Variants in NVL observed in about 807,000 individuals in gnomAD.
NVL encodes nuclear valosin-containing protein-like.
NVL carries 84 observed loss-of-function variants against 110.2 expected under a neutral mutation model. The observed-to-expected ratio is 0.76, with a 90% CI of 0.64 to 0.91. The LOEUF (loss-of-function observed/expected upper bound fraction) is 0.91, where lower values mean the gene tolerates loss of function less well. Ranked by LOEUF, NVL falls within the 40% of genes least tolerant of loss-of-function variation. The pLI is 0.00. For synonymous variants in NVL, 354 were observed against 361.1 expected, an observed-to-expected ratio of 0.98 and a Z score of 0.22; for missense variants, 882 against 1,035.9, an observed-to-expected ratio of 0.85 and a Z score of 2.04.
intron 4 of NVL, among the ~76,000 whole-genome samples, chr1:224,314,867 C>T (rs1017466733): frequency 5.9e-5 from 9 of 151,842 alleles, no homozygotes; most frequent in African/African-American, 2.2e-4. Flanking sequence ...AAAAATTAGC[C>T]GGGCATGGTG....
At chr1:224,321,715 C>T (rs561799762) in intron 2 of NVL, among the ~76,000 whole-genome samples, 86 of 150,520 alleles carry the variant, frequency 5.7e-4, no homozygotes, top group African/African-American at 2.0e-3. Flanking sequence ...GAGATTGCCC[C>T]GCTGCACTCC....
At chr1:224,297,441 A>T (rs1022885105) in intron 10 of NVL, among the ~76,000 whole-genome samples, 1 of 152,214 alleles carries the variant, frequency 6.6e-6, no homozygotes, top group Non-Finnish European at 1.5e-5. Context: ...ATTAAGACAA[A>T]AAGTAGAATG....
chr1:224,242,617 G>A (rs984293764), intron 19 of NVL, among the ~76,000 whole-genome samples: 5 of 145,546 alleles, frequency 3.4e-5, no homozygotes, highest in East Asian at 2.1e-4. Flanking sequence ...ACAGGTGCAC[G>A]CCACCATGCC....
chr1:224,257,376 A>C (rs1376362806), intron 18 of NVL, among the ~76,000 whole-genome samples: 3 of 152,228 alleles, frequency 2.0e-5, no homozygotes, highest in Non-Finnish European at 2.9e-5. Flanking sequence ...GAGAGGTAAC[A>C]GTAGCAACTT....
At position 224,297,320 on chromosome 1, in the gene NVL, C is replaced by T. The variant is rs569998824; in HGVS notation, c.1063-702G>A. ...AAGGAAGGATGGTAAAGTTCTAATA[C>T]ATCAGTGTAAAGATCACCTCCAGTT... On this transcript the variant is annotated intron_variant, in intron 10 of 22. Coordinates refer to ENST00000281701, the MANE Select transcript of NVL (RefSeq NM_002533.4). Among the ~76,000 whole-genome samples the T allele has an allele frequency of 8.5e-5, 13 of 152,272 alleles. No individual in the cohort carries two copies. In the South Asian group the frequency reaches 1.9e-3, roughly 22 times the overall value.
At chr1:224,306,360 G>A (rs1009216289) in intron 6 of NVL, among the ~76,000 whole-genome samples, 65 of 152,182 alleles carry the variant, frequency 4.3e-4, no homozygotes, top group African/African-American at 1.4e-3. Context: ...TCCGCCTGCC[G>A]GGTTCACGTC....
At chr1:224,317,545 G>T (rs1040763271) in intron 4 of NVL, 149 bp downstream of exon 4, 7 of 596,866 alleles carry the variant, frequency 1.2e-5, no homozygotes, top group African/African-American at 5.6e-5. Flanking sequence ...TCTCTTTGGG[G>T]AATAAAGAAC....
intron 10 of NVL, among the ~76,000 whole-genome samples, chr1:224,299,149 C>T (rs1380846463): frequency 6.6e-6 from 1 of 152,138 alleles, no homozygotes; most frequent in Non-Finnish European, 1.5e-5. Context: ...TTTAGCTTAT[C>T]GCTAGCTGGA....
At chr1:224,239,222 G>T (rs114146157) in intron 19 of NVL, among the ~76,000 whole-genome samples, 1,800 of 152,230 alleles carry the variant, frequency 0.012, 35 homozygotes, top group African/African-American at 0.04. Context: ...CACTGGGCGA[G>T]GAATTAGAAA....
At chr1:224,272,286 G>A (rs1367098096) in intron 17 of NVL, among the ~76,000 whole-genome samples, 2 of 149,880 alleles carry the variant, frequency 1.3e-5, no homozygotes, top group South Asian at 2.1e-4. Context: ...CAGAAGTTGC[G>A]AAGAGCTGAG....
intron 2 of NVL, among the ~76,000 whole-genome samples, chr1:224,320,430 TG>T (rs1670526145): frequency 6.6e-6 from 1 of 152,178 alleles, no homozygotes; most frequent in Non-Finnish European, 1.5e-5. Flanking sequence ...GCGGATCATT[TG>T]CGGTCAGGAG....
chr1:224,253,597 G>A (rs1189349156), intron 18 of NVL, among the ~76,000 whole-genome samples: 4 of 151,614 alleles, frequency 2.6e-5, no homozygotes, highest in Non-Finnish European at 5.9e-5. Context: ...GCTAGGCGTG[G>A]TGGCACATGC....
At chr1:224,259,959 C>T (rs530865294) in intron 18 of NVL, among the ~76,000 whole-genome samples, 12 of 152,130 alleles carry the variant, frequency 7.9e-5, no homozygotes, top group Non-Finnish European at 1.5e-4. Context: ...CATGAGCCAT[C>T]GCATCCAGCC....
At chr1:224,291,396 AAACT>A (rs1255982475) in intron 12 of NVL, among the ~76,000 whole-genome samples, 5 of 152,248 alleles carry the variant, frequency 3.3e-5, no homozygotes, top group Non-Finnish European at 5.9e-5. Flanking sequence ...TTGATATTAT[AAACT>A]AACTTGGACA....
At chr1:224,239,373 A>T (rs1440533169) in intron 19 of NVL, among the ~76,000 whole-genome samples, 1 of 152,006 alleles carries the variant, frequency 6.6e-6, no homozygotes, top group Non-Finnish European at 1.5e-5. Context: ...GCTATATTTG[A>T]GAGGGGAGGG....
intron 12 of NVL, among the ~76,000 whole-genome samples, chr1:224,290,292 T>C (rs759411643): frequency 4.7e-4 from 72 of 152,314 alleles, no homozygotes; most frequent in Admixed American, 9.8e-4. Context: ...TTCTAGATAA[T>C]TGTTATTAAA....
chr1:224,251,441 C>T (rs969915119), intron 18 of NVL, among the ~76,000 whole-genome samples: 1 of 152,050 alleles, frequency 6.6e-6, no homozygotes, highest in African/African-American at 2.4e-5. Context: ...AGTTTGAAAC[C>T]AGCCTGGCCA....
rs1665005692 is a variant in NVL, at chr1:224,270,727, G to A, written c.2083-2594C>T. Among the ~76,000 whole-genome samples the A allele has an allele frequency of 1.3e-5, 2 of 152,078 alleles. 1 individual carries two copies. Among genetic ancestry groups the A allele is most frequent in the South Asian group, 4.2e-4 (2 of 4,818 alleles). ...AAAGAAAAAGACAGCAATAGCAAAA[G>A]GGTTGAAAGATAAGATCAAATAATT... On this transcript the variant is annotated intron_variant, in intron 17 of 22. Coordinates refer to ENST00000281701, the MANE Select transcript of NVL (RefSeq NM_002533.4).
chr1:224,237,852 A>G (rs374045635), intron 19 of NVL, among the ~76,000 whole-genome samples: 7 of 149,854 alleles, frequency 4.7e-5, no homozygotes, highest in African/African-American at 1.5e-4. Context: ...TACTCGGGAC[A>G]CTGAGGCAGG....
Sources: allele counts gnomAD v4.1 joint callset (sites outside exome capture counted in the v4.1 genomes callset), GRCh38; gene constraint gnomAD v4.1.1; transcripts MANE v1.5; gene names NCBI Gene and HGNC (gene_info 2026-07-23, HGNC 2026-07-21).